RGS8: variants seen among roughly 807,000 people sequenced by gnomAD.
RGS8 encodes the protein regulator of G-protein signaling 8.
Under a neutral mutation model 21.7 loss-of-function variants are expected in RGS8, and 8 were observed. The ratio of observed to expected loss-of-function variants is 0.37; its 90% CI spans 0.22 to 0.66. The LOEUF is 0.66. Ranked by LOEUF, RGS8 falls within the 30% of genes least tolerant of loss-of-function variation. The pLI is 0.59. For missense variants in RGS8, 157 were observed against 217.9 expected, an observed-to-expected ratio of 0.72 and a Z score of 1.76; for synonymous variants, 80 against 83.6, an observed-to-expected ratio of 0.96 and a Z score of 0.24.
chr1:182,702,854 G>A, the RGS8 span, among the ~76,000 whole-genome samples: 1 of 152,194 alleles, frequency 6.6e-6, no homozygotes, highest in South Asian at 2.1e-4. Context: ...CCAAATAGGT[G>A]TTCACCTACC....
At chr1:182,664,059 G>A (rs1468001237) in intron 5 of RGS8, among the ~76,000 whole-genome samples, 4 of 152,112 alleles carry the variant, frequency 2.6e-5, no homozygotes, top group Admixed American at 6.5e-5. Flanking sequence ...GTAGAAACAA[G>A]TGTCTTCAGA....
At chr1:182,706,300 T>C in the RGS8 span, among the ~76,000 whole-genome samples, 4 of 152,190 alleles carry the variant, frequency 2.6e-5, no homozygotes, top group South Asian at 2.1e-4. Flanking sequence ...GGAGATATGT[T>C]TTATATGTCA....
At chr1:182,679,604 T>C (rs1480015963) in intron 1 of RGS8, among the ~76,000 whole-genome samples, 2 of 152,118 alleles carry the variant, frequency 1.3e-5, no homozygotes, top group Non-Finnish European at 2.9e-5. Context: ...ATATTGACCA[T>C]TTCTAAATAT....
At chr1:182,733,194 T>C in the RGS8 span, among the ~76,000 whole-genome samples, 17 of 152,250 alleles carry the variant, frequency 1.1e-4, no homozygotes, top group African/African-American at 3.9e-4. Context: ...GTCTGGTACA[T>C]GTGTTATAGT....
At chr1:182,655,744 T>A (rs1663243005) in intron 5 of RGS8, among the ~76,000 whole-genome samples, 1 of 152,224 alleles carries the variant, frequency 6.6e-6, no homozygotes, top group Non-Finnish European at 1.5e-5. Context: ...GGTGTCCTCA[T>A]GGCAACTTAA....
intron 5 of RGS8, among the ~76,000 whole-genome samples, chr1:182,659,364 G>C (rs781542370): frequency 6.6e-6 from 1 of 152,210 alleles, no homozygotes; most frequent in Non-Finnish European, 1.5e-5. Context: ...ACAGGGTGAA[G>C]GTTTAGCATT....
At chr1:182,713,760 C>T in the RGS8 span, among the ~76,000 whole-genome samples, 6 of 152,212 alleles carry the variant, frequency 3.9e-5, no homozygotes, top group Admixed American at 3.9e-4. Context: ...GGAAATACTA[C>T]ATCTCCCATG....
intron 1 of RGS8, among the ~76,000 whole-genome samples, chr1:182,682,828 C>T (rs1664580450): frequency 6.6e-6 from 1 of 152,130 alleles, no homozygotes; most frequent in Admixed American, 6.5e-5. Context: ...GAGGGTTTGG[C>T]TCAGCTGTCC....
the RGS8 span, among the ~76,000 whole-genome samples, chr1:182,740,436 A>G: frequency 1.3e-5 from 2 of 151,942 alleles, no homozygotes; most frequent in African/African-American, 4.8e-5. Flanking sequence ...TACTATCTCC[A>G]TTTTACCAAT....
chr1:182,728,737 CTCAT>C, the RGS8 span, among the ~76,000 whole-genome samples: 3 of 152,122 alleles, frequency 2.0e-5, no homozygotes, highest in African/African-American at 4.8e-5. Flanking sequence ...TAGTGCAATA[CTCAT>C]ATTTGATAGG....
intron 2 of RGS8, 47 bp from the exon 4 acceptor site, chr1:182,669,799 G>A: frequency 1.3e-6 from 2 of 1,500,076 alleles, no homozygotes; most frequent in East Asian, 2.4e-5. Flanking sequence ...TCTCTCATCT[G>A]ACTGCACTAC....
chr1:182,715,064 A>G, the RGS8 span, among the ~76,000 whole-genome samples: 23 of 152,228 alleles, frequency 1.5e-4, no homozygotes, highest in African/African-American at 5.3e-4. Context: ...TGATTTACAT[A>G]AGAGACAACT....
At chr1:182,729,300 C>T in the RGS8 span, among the ~76,000 whole-genome samples, 1 of 152,310 alleles carries the variant, frequency 6.6e-6, no homozygotes, top group Admixed American at 6.5e-5. Context: ...TTCTAATGGG[C>T]GTCTTCCACA....
At chr1:182,710,841 A>G in the RGS8 span, among the ~76,000 whole-genome samples, 1 of 152,214 alleles carries the variant, frequency 6.6e-6, no homozygotes, top group Non-Finnish European at 1.5e-5. Context: ...TAATTCAACA[A>G]ACTCTCCAAA....
chr1:182,653,255 C>T (rs973009331), intron 5 of RGS8, among the ~76,000 whole-genome samples: 2 of 151,694 alleles, frequency 1.3e-5, no homozygotes, highest in African/African-American at 4.9e-5. Flanking sequence ...ATGGTACGTA[C>T]GGTGGTGAAT....
chr1:182,681,774 A>G (rs1279984226), intron 1 of RGS8, among the ~76,000 whole-genome samples: 1 of 152,250 alleles, frequency 6.6e-6, no homozygotes, highest in Non-Finnish European at 1.5e-5. Flanking sequence ...ACTCCGATGC[A>G]CGGAGATGCT....
chr1:182,679,271 G>T (rs910177418), intron 1 of RGS8, among the ~76,000 whole-genome samples: 7 of 151,950 alleles, frequency 4.6e-5, no homozygotes, highest in African/African-American at 1.7e-4. Flanking sequence ...TTGCCATTTG[G>T]CTTCCATTCC....
At chr1:182,718,732 G>A in the RGS8 span, among the ~76,000 whole-genome samples, 9 of 152,138 alleles carry the variant, frequency 5.9e-5, no homozygotes, top group Non-Finnish European at 1.2e-4. Context: ...TTTTCTGGCC[G>A]TTGTCTTAAC....
chr1:182,720,740 T>C, the RGS8 span, among the ~76,000 whole-genome samples: 5 of 151,922 alleles, frequency 3.3e-5, no homozygotes, highest in Admixed American at 3.3e-4. Context: ...CTCATCAATA[T>C]CCTTCCTCCA....
Sources: gnomAD v4.1 joint callset for allele counts (sites outside exome capture counted in the v4.1 genomes callset) on GRCh38, gnomAD v4.1.1 for gene constraint, MANE v1.5 for transcripts, NCBI Gene and HGNC (gene_info 2026-07-23, HGNC 2026-07-21) for gene names.